The following IAH1 variants were observed in gnomAD, a reference collection of about 807,000 sequenced individuals.
IAH1 encodes isoamyl acetate hydrolyzing esterase 1 (putative).
A neutral mutation model predicts 26.7 loss-of-function variants in IAH1; 24 were observed. The observed-to-expected ratio is 0.90, with a 90% CI of 0.65 to 1.26. IAH1 has a LOEUF of 1.26. Among genes scored for constraint, IAH1 ranks in the 50% most tolerant of loss-of-function variants. The pLI is 0.00. For synonymous variants in IAH1, 140 were observed against 118.5 expected, an observed-to-expected ratio of 1.18 and a Z score of -1.18; for missense variants, 300 against 299.9, an observed-to-expected ratio of 1.00 and a Z score of 0.00.
At chr2:9,482,131 A>G (rs886654303) in intron 4 of IAH1, among the ~76,000 whole-genome samples, 2 of 149,944 alleles carry the variant, frequency 1.3e-5, no homozygotes, top group Non-Finnish European at 3.0e-5. Context: ...TCCTGGGCTC[A>G]AGCAATTCTG....
At chr2:9,490,111 ATTGAT>A (rs374487688), downstream of IAH1, 6,896 of 1,373,046 alleles carry the variant, frequency 5.0e-3, 20 homozygotes, top group Non-Finnish European at 6.0e-3. Flanking sequence ...ACAAGCTGTG[ATTGAT>A]TTGTAGGTCA....
At chr2:9,490,869 T>G (rs140991339), downstream of IAH1, among the ~76,000 whole-genome samples, 36 of 152,274 alleles carry the variant, frequency 2.4e-4, no homozygotes, top group African/African-American at 8.4e-4. Flanking sequence ...GCTAAATCAC[T>G]CCTTATGGCT....
At chr2:9,477,261 C>T (rs959682341) in intron 2 of IAH1, among the ~76,000 whole-genome samples, 60 of 152,044 alleles carry the variant, frequency 3.9e-4, no homozygotes, top group African/African-American at 1.2e-3. Flanking sequence ...TGCAGTTCTC[C>T]GCGGGTGCCC....
downstream of IAH1, chr2:9,494,606 G>A (rs1662420251): frequency 1.9e-6 from 3 of 1,607,676 alleles, no homozygotes; most frequent in Non-Finnish European, 2.5e-6. Context: ...CTATCTGGCT[G>A]TTACAGAAAA....
At position 9,474,688 on chromosome 2, in the gene IAH1, C is replaced by T. The variant is rs12996760; in HGVS notation, c.81+41C>T. 4.9e-6 allele frequency: 7 copies of T among 1,442,108 alleles called. No homozygotes were observed. Among genetic ancestry groups the T allele is most frequent in the Non-Finnish European group, 5.6e-6 (6 of 1,067,916 alleles). 89.3% of individuals were successfully genotyped at this position (1,442,108 alleles called of 1,614,324 possible). On this transcript the variant is annotated intron_variant, in intron 1 of 5. Coordinates refer to ENST00000497473, the MANE Select transcript of IAH1 (RefSeq NM_001039613.3). This position sits in a 1 kb window ranked among gnomAD's most constrained non-coding sequence, Gnocchi z 4.3. ...CGCTCGGCCTCCCGCCCCGGCCTCC[C>T]TGCGGGGTCGCTGCCGAGCAGGCCG... is the stretch of plus-strand genomic sequence containing the variant.
Position 9,488,144 on chromosome 2 carries a change from T to C in IAH1, c.565-3T>C. ...ACCTTTAACCGATTTCTCTCCCTTC[T>C]AGGACTTCTCATCTTATTTATCAGA... On this transcript the variant is annotated splice_region_variant and splice_polypyrimidine_tract_variant and intron_variant, in intron 5 of 5. Transcript: ENST00000497473. The C allele has an allele frequency of 6.3e-7, 1 of 1,598,388 alleles. No individual in the cohort carries two copies. Among genetic ancestry groups the C allele is most frequent in the Non-Finnish European group, 8.5e-7 (1 of 1,173,674 alleles).
intron 2 of IAH1, among the ~76,000 whole-genome samples, chr2:9,477,269 C>T (rs2124898412): frequency 6.6e-6 from 1 of 152,174 alleles, no homozygotes; most frequent in East Asian, 1.9e-4. Context: ...TCCGCGGGTG[C>T]CCCAGCTTCT....
chr2:9,484,566 C>T lies in IAH1; in HGVS notation c.564+16C>T, dbSNP rs758637293. 1.9e-5 allele frequency: 29 copies of T among 1,533,068 alleles called. No homozygotes were observed. Among genetic ancestry groups the T allele is most frequent in the Middle Eastern group, 3.4e-4 (2 of 5,894 alleles). 95.0% of individuals were successfully genotyped at this position (1,533,068 alleles called of 1,614,324 possible). A position where few individuals can be genotyped will look rare whatever the true frequency, so the allele number is the denominator to read the frequency against. ...GGACAGCCAGGTACGGTGGCTTGCT[C>T]GGTCCTCTCGGGGTAAATAGGATCA... On this transcript the variant is annotated intron_variant, in intron 5 of 5. Coordinates refer to ENST00000497473, the MANE Select transcript of IAH1 (RefSeq NM_001039613.3).
At chr2:9,480,176 C>A (rs184885094) in intron 3 of IAH1, among the ~76,000 whole-genome samples, 96 of 152,136 alleles carry the variant, frequency 6.3e-4, no homozygotes, top group Non-Finnish European at 9.9e-4. Flanking sequence ...TGTGGTCACC[C>A]TACAACTAAA....
intron 2 of IAH1, among the ~76,000 whole-genome samples, chr2:9,476,382 G>C (rs540314765): frequency 5.6e-4 from 85 of 152,336 alleles, no homozygotes; most frequent in African/African-American, 2.0e-3. Flanking sequence ...AAGCTACTTT[G>C]CCTTTTTTTG....
intron 4 of IAH1, among the ~76,000 whole-genome samples, chr2:9,483,577 C>T (rs959730107): frequency 6.6e-6 from 1 of 152,152 alleles, no homozygotes; most frequent in Admixed American, 6.5e-5. Flanking sequence ...TTGCCCATAT[C>T]CTCATGCTTT....
Position 9,474,753 on chromosome 2 carries a change from G to A in IAH1, c.81+106G>A. On this transcript the variant is annotated intron_variant, in intron 1 of 5. Transcript: ENST00000497473. The surrounding 1 kb of genome is among the most constrained non-coding windows in gnomAD (Gnocchi z 4.3). ...CCTCTTCGGCGCCCGAGACGGCTGG[G>A]CCGGAGGCCTGGCCACGCCCGTGGA... 1.1e-6 allele frequency: 1 copy of A among 872,238 alleles called. No homozygotes were observed. The highest frequency in any genetic ancestry group is 1.7e-6 in the Non-Finnish European group (1 of 606,044). 54.0% of individuals were successfully genotyped at this position (872,238 alleles called of 1,614,324 possible).
At chr2:9,477,133 A>T (rs1368492933) in intron 2 of IAH1, among the ~76,000 whole-genome samples, 1 of 152,176 alleles carries the variant, frequency 6.6e-6, no homozygotes, top group African/African-American at 2.4e-5. Context: ...AATCTCTTAG[A>T]AATAAGGCTG....
At chr2:9,500,939 T>C (rs1427450061), downstream of IAH1, among the ~76,000 whole-genome samples, 9 of 152,190 alleles carry the variant, frequency 5.9e-5, no homozygotes, top group Non-Finnish European at 1.3e-4. Flanking sequence ...CTGTGGAAAA[T>C]ATCTTTTTAA....
chr2:9,475,318 G>A (rs945991277), intron 1 of IAH1: 1 of 702,308 alleles, frequency 1.4e-6, no homozygotes, highest in African/African-American at 1.8e-5. Context: ...CCAGTAACTG[G>A]TAACATTATG....
chr2:9,492,199 CA>C (rs377670004), downstream of IAH1, among the ~76,000 whole-genome samples: 738 of 152,342 alleles, frequency 4.8e-3, 1 homozygote, highest in Non-Finnish European at 6.8e-3. Flanking sequence ...TTTGGGAAAA[CA>C]AGTCTGGAAG....
the IAH1 span, among the ~76,000 whole-genome samples, chr2:9,502,853 T>A: frequency 8.6e-6 from 1 of 115,798 alleles, no homozygotes; most frequent in African/African-American, 3.5e-5. Flanking sequence ...CACTCCAGCC[T>A]AGGCAACAAG....
Position 9,481,333 on chromosome 2 carries a change from C to G in IAH1, c.331C>G (p.Leu111Val). The stretch of plus-strand genomic sequence containing the variant: ...TCCCCTGGAGGAGTACGCTGCGAAC[C>G]TAAAGAGCATGGTGCAGTACCTGAA... ...HIPLEEYAAN[L>V]KSMVQYLKSV... The change falls in exon 4 of 6, where the codon CTA (leucine) becomes GTA (valine). Residue 111 changes from leucine to valine, a missense_variant. By Grantham distance (32) the Leu-to-Val change is conservative. Coordinates refer to ENST00000497473, the MANE Select transcript of IAH1 (RefSeq NM_001039613.3). The G allele has an allele frequency of 3.7e-6, 6 of 1,614,180 alleles. No individual in the cohort carries two copies. Among genetic ancestry groups the G allele is most frequent in the Non-Finnish European group, 4.2e-6 (5 of 1,180,038 alleles).
chr2:9,476,199 C>T (rs777477294), intron 2 of IAH1, among the ~76,000 whole-genome samples, 160 bp downstream of exon 2: 1 of 152,230 alleles, frequency 6.6e-6, no homozygotes, highest in Non-Finnish European at 1.5e-5. Flanking sequence ...AACATTTACT[C>T]TTCACTCAGT....
Sources: gnomAD v4.1 joint callset for allele counts (sites outside exome capture counted in the v4.1 genomes callset) on GRCh38, gnomAD v4.1.1 for gene constraint, Gnocchi (gnomAD v3.1) non-coding constraint, MANE v1.5 for transcripts, NCBI Gene and HGNC (gene_info 2026-07-23, HGNC 2026-07-21) for gene names.